SEPTIN9: variants seen among roughly 807,000 people sequenced by gnomAD.
The protein encoded by SEPTIN9 is septin 9.
SEPTIN9 carries 13 observed loss-of-function variants against 56.6 expected under a neutral mutation model. The ratio of observed to expected loss-of-function variants is 0.23; its 90% CI spans 0.15 to 0.37. The LOEUF is 0.37. Among genes scored for constraint, SEPTIN9 ranks in the 10% least tolerant of loss-of-function variants. SEPTIN9 has a pLI of 1.00. For synonymous variants in SEPTIN9, 332 were observed against 334.1 expected (o/e 0.99, Z 0.07); for missense variants, 650 against 823.1 (o/e 0.79, Z 2.57).
In SEPTIN9 at chr17:77,451,578, G is replaced by A. The variant is rs867648588; in HGVS notation, c.722-30566G>A. The A allele has an allele frequency of 3.2e-4, 318 of 983,094 alleles. 1 individual carries two copies. The Middle Eastern group carries it at 3.7e-3, about 11-fold the overall frequency. 60.9% of individuals were successfully genotyped at this position (983,094 alleles called of 1,614,324 possible). A position where few individuals can be genotyped will look rare whatever the true frequency, so the allele number is the denominator to read the frequency against. On this transcript the variant is annotated intron_variant, in intron 3 of 11. Coordinates refer to ENST00000427177, the MANE Select transcript of SEPTIN9 (RefSeq NM_001113491.2). The surrounding 1 kb of genome is among the most constrained non-coding windows in gnomAD (Gnocchi z 4.2). ...CCAGCCTTGCACCACTGGCTCGGGG[G>A]CTCTCAGGTGGCGCGGCCGCGAGGC...
chr17:77,370,174 T>C (rs2034677453), intron 2 of SEPTIN9, among the ~76,000 whole-genome samples: 1 of 152,206 alleles, frequency 6.6e-6, no homozygotes, highest in Non-Finnish European at 1.5e-5. Flanking sequence ...GGGTGGCTTA[T>C]AGCAAGGGGA....
intron 2 of SEPTIN9, among the ~76,000 whole-genome samples, chr17:77,359,402 A>G (rs1198226064): frequency 1.3e-5 from 2 of 152,220 alleles, no homozygotes; most frequent in African/African-American, 2.4e-5. Context: ...CACTGTGCTT[A>G]AGGGGCAAGA....
At chr17:77,289,093 G>T (rs192754022) in intron 1 of SEPTIN9, among the ~76,000 whole-genome samples, 69 of 152,160 alleles carry the variant, frequency 4.5e-4, no homozygotes, top group African/African-American at 1.5e-3. Flanking sequence ...TGTTTTGTTT[G>T]GTTTGGTTTG....
In SEPTIN9 at chr17:77,451,292, C is replaced by A; in HGVS notation, c.722-30852C>A. ...CGGGCCTGCCGCTGGGCGCCCCTAT[C>A]TCTGCCTGCCCCCTCCTCCTGCTCC... is the stretch of plus-strand genomic sequence containing the variant. On this transcript the variant is annotated intron_variant, in intron 3 of 11. Transcript: ENST00000427177. This position sits in a 1 kb window ranked among gnomAD's most constrained non-coding sequence, Gnocchi z 4.2. 1 of 897,436 alleles carries A rather than the reference C, an allele frequency of 1.1e-6. No homozygotes were observed. Among genetic ancestry groups the A allele is most frequent in the Non-Finnish European group, 1.3e-6 (1 of 749,260 alleles). 55.6% of individuals were successfully genotyped at this position (897,436 alleles called of 1,614,324 possible). A position where few individuals can be genotyped will look rare whatever the true frequency, so the allele number is the denominator to read the frequency against.
intron 3 of SEPTIN9, among the ~76,000 whole-genome samples, chr17:77,478,111 T>TA (rs1157577935): frequency 6.6e-6 from 1 of 152,220 alleles, no homozygotes; most frequent in African/African-American, 2.4e-5. Context: ...CCTGGCCACT[T>TA]ACAGTGGCAT....
intron 1 of SEPTIN9, among the ~76,000 whole-genome samples, chr17:77,296,271 C>T (rs1028387542): frequency 6.6e-6 from 1 of 152,204 alleles, no homozygotes; most frequent in African/African-American, 2.4e-5. Context: ...ATCTGGATGG[C>T]AGCCTGAGCT....
In SEPTIN9 at chr17:77,487,097, G is replaced by A. The variant is rs2039824964; in HGVS notation, c.914-327G>A. ...CCGGCCTCTGTCCTGTCCAAAATCT[G>A]AGCCACCAGGAGACCTCCTGTCCAG... is the stretch of plus-strand genomic sequence containing the variant. On this transcript the variant is annotated intron_variant, in intron 4 of 11. Transcript: ENST00000427177. This position sits in a 1 kb window ranked among gnomAD's most constrained non-coding sequence, Gnocchi z 4.3. Among the ~76,000 whole-genome samples, 1 of 152,204 alleles carries A rather than the reference G, an allele frequency of 6.6e-6. No homozygotes were observed. The highest frequency in any genetic ancestry group is 1.5e-5 in the Non-Finnish European group (1 of 68,038).
chr17:77,423,327 C>T (rs1302144246), intron 3 of SEPTIN9, among the ~76,000 whole-genome samples: 3 of 152,238 alleles, frequency 2.0e-5, no homozygotes, highest in Admixed American at 6.5e-5. Flanking sequence ...TGAGCCACTG[C>T]GCCCGGCCTG....
rs567247023 is a variant in SEPTIN9, at chr17:77,334,494, A to G, written c.76+27297A>G. 1.3e-4 allele frequency among the ~76,000 whole-genome samples: 20 copies of G among 151,326 alleles called. No homozygotes were observed. The East Asian group carries it at 3.5e-3, about 26-fold the overall frequency. On this transcript the variant is annotated intron_variant, in intron 2 of 11. Transcript: ENST00000427177. The stretch of plus-strand genomic sequence containing the variant: ...TCTGGATATAAGTCCTTTATCAGAT[A>G]TATGTATCATAAGTTTTTTTTTCCA...
intron 1 of SEPTIN9, among the ~76,000 whole-genome samples, chr17:77,289,317 A>G (rs2143503495): frequency 6.6e-6 from 1 of 151,390 alleles, no homozygotes; most frequent in South Asian, 2.1e-4. Context: ...GGTTGGTTTC[A>G]AACTCCTGAC....
chr17:77,462,363 C>T (rs1054994892), intron 3 of SEPTIN9, among the ~76,000 whole-genome samples: 9 of 152,110 alleles, frequency 5.9e-5, no homozygotes, highest in East Asian at 1.9e-4. Flanking sequence ...AGCTGCCGGC[C>T]CCGGGAGCTG....
chr17:77,331,309 G>A (rs1474449967), intron 2 of SEPTIN9, among the ~76,000 whole-genome samples: 1 of 152,240 alleles, frequency 6.6e-6, no homozygotes, highest in East Asian at 1.9e-4. Flanking sequence ...GTCAGAGGGA[G>A]AGAGGAAGAG....
intron 2 of SEPTIN9, among the ~76,000 whole-genome samples, chr17:77,342,987 A>ATCTGTCTGTCTGTCTGTCTG (rs1017118260): frequency 3.8e-5 from 5 of 131,448 alleles, no homozygotes; most frequent in African/African-American, 1.4e-4. Context: ...AAATCAATGT[A>ATCTGTCTGTCTGTCTGTCTG]TCTGTCTGTC....
intron 7 of SEPTIN9, among the ~76,000 whole-genome samples, chr17:77,489,731 CTG>C (rs1023411201): frequency 2.7e-4 from 41 of 152,314 alleles, no homozygotes; most frequent in African/African-American, 9.4e-4. Flanking sequence ...CACCCAGAGT[CTG>C]TGGGAAAACC....
chr17:77,310,523 G>A lies in SEPTIN9; in HGVS notation c.76+3326G>A, dbSNP rs981519174. On this transcript the variant is annotated intron_variant, in intron 2 of 11. Transcript: ENST00000427177. The surrounding 1 kb of genome is among the most constrained non-coding windows in gnomAD (Gnocchi z 4.7). ...TGGGGAGGCAGAGTTTGCCCGTCCC[G>A]TGGCCCACTGGTGACATCGCCGAAG... Among the ~76,000 whole-genome samples the A allele has an allele frequency of 3.9e-5, 6 of 152,260 alleles. No homozygotes were observed. The highest frequency in any genetic ancestry group is 6.5e-5 in the Admixed American group (1 of 15,292).
chr17:77,441,065 C>T (rs781689917), intron 3 of SEPTIN9, among the ~76,000 whole-genome samples: 10 of 152,154 alleles, frequency 6.6e-5, no homozygotes, highest in Non-Finnish European at 1.2e-4. Flanking sequence ...GCTATTCCAG[C>T]GTTTTCTCAG....
At chr17:77,308,834 G>A (rs2143602415) in intron 2 of SEPTIN9, among the ~76,000 whole-genome samples, 2 of 152,360 alleles carry the variant, frequency 1.3e-5, no homozygotes, top group East Asian at 3.9e-4. Context: ...TTTACAGGGA[G>A]TGGGAGTGGA....
intron 1 of SEPTIN9, among the ~76,000 whole-genome samples, chr17:77,283,744 A>G (rs2031144523): frequency 6.6e-6 from 1 of 152,166 alleles, no homozygotes; most frequent in Non-Finnish European, 1.5e-5. Flanking sequence ...AAAAGGAGAA[A>G]GATTTTAGAA....
chr17:77,319,714 G>C lies in SEPTIN9; in HGVS notation c.76+12517G>C. The C allele has an allele frequency of 9.4e-7, 1 of 1,067,470 alleles. No homozygotes were observed. The highest frequency in any genetic ancestry group is 1.1e-6 in the Non-Finnish European group (1 of 880,434). The allele number at this position is 1,067,470 out of a possible 1,614,324, so 66.1% of individuals were successfully genotyped here. A position where few individuals can be genotyped will look rare whatever the true frequency, so the allele number is the denominator to read the frequency against. The stretch of plus-strand genomic sequence containing the variant: ...AAGGCGAGGCAGGCACGCAGGAACT[G>C]GGCTTTTTAAACCCTTAAGCCCAAG... On this transcript the variant is annotated intron_variant, in intron 2 of 11. Coordinates refer to ENST00000427177, the MANE Select transcript of SEPTIN9 (RefSeq NM_001113491.2). This position sits in a 1 kb window ranked among gnomAD's most constrained non-coding sequence, Gnocchi z 5.3.
Sources: allele counts gnomAD v4.1 joint callset (sites outside exome capture counted in the v4.1 genomes callset), GRCh38; gene constraint gnomAD v4.1.1; non-coding constraint Gnocchi (gnomAD v3.1); transcripts MANE v1.5; gene names NCBI Gene and HGNC (gene_info 2026-07-23, HGNC 2026-07-21).